Variants in ZFHX3 observed in about 807,000 individuals in gnomAD.
ZFHX3 encodes the protein zinc finger homeobox 3.
In ZFHX3, 42 loss-of-function variants were observed where a neutral mutation model predicts 279.1. That is an observed-to-expected ratio of 0.15 (90% CI 0.12 to 0.19). The LOEUF (loss-of-function observed/expected upper bound fraction) is 0.19. Ranked by LOEUF, ZFHX3 falls within the 10% of genes least tolerant of loss-of-function variation. ZFHX3 has a pLI of 1.00. For missense variants in ZFHX3, 4,981 were observed against 4,754.0 expected (o/e 1.05, Z -1.40); for synonymous variants, 2,293 against 1,957.8 (o/e 1.17, Z -4.52).
intron 2 of ZFHX3, among the ~76,000 whole-genome samples, chr16:73,670,275 G>A (rs992428684): frequency 3.3e-5 from 5 of 152,086 alleles, no homozygotes; most frequent in East Asian, 1.9e-4. Flanking sequence ...ATGATACCAC[G>A]CCAATCTAAA....
At chr16:72,921,876 T>C (rs1164614336) in intron 3 of ZFHX3, among the ~76,000 whole-genome samples, 2 of 152,120 alleles carry the variant, frequency 1.3e-5, no homozygotes, top group African/African-American at 4.8e-5. Flanking sequence ...GGCAAGGCTG[T>C]CCAGGGAAAA....
At chr16:73,455,885 G>C (rs1002458749) in intron 3 of ZFHX3, 1 of 151,906 alleles carries the variant, frequency 6.6e-6, no homozygotes, top group Non-Finnish European at 1.5e-5. Context: ...ATACCGATTT[G>C]TGGCACATGC....
At chr16:73,696,992 C>T (rs1011302600) in intron 1 of ZFHX3, among the ~76,000 whole-genome samples, 1 of 150,996 alleles carries the variant, frequency 6.6e-6, no homozygotes, top group Non-Finnish European at 1.5e-5. Context: ...AAAAGGGACA[C>T]GATAGTTAAT....
chr16:72,892,274 G>C (rs954045309), intron 3 of ZFHX3, among the ~76,000 whole-genome samples: 2 of 152,154 alleles, frequency 1.3e-5, no homozygotes, highest in African/African-American at 4.8e-5. Context: ...CAACTTGTAC[G>C]TAAGAATGGG....
intron 3 of ZFHX3, among the ~76,000 whole-genome samples, chr16:73,404,737 G>A (rs1340810535): frequency 1.3e-5 from 2 of 152,178 alleles, no homozygotes; most frequent in Non-Finnish European, 1.5e-5. Context: ...AGTTCAGGAT[G>A]TCCCCGCGAG....
In ZFHX3 at chr16:73,407,141, A is replaced by G. The variant is rs144333901; in HGVS notation, c.-1291+48862T>C. 2.4e-4 allele frequency among the ~76,000 whole-genome samples: 36 copies of G among 152,286 alleles called. No individual in the cohort carries two copies. In the East Asian group the frequency reaches 6.8e-3, roughly 29 times the overall value. ...GATACTCAGTGGGTGGAGGCCAAGG[A>G]TGCTGCTAAACATTCTACACTGCAC... On this transcript the variant is annotated intron_variant, in intron 3 of 17. Transcript: ENST00000641206.
At chr16:73,887,385 C>T (rs1477063805) in intron 1 of ZFHX3, among the ~76,000 whole-genome samples, 1 of 152,124 alleles carries the variant, frequency 6.6e-6, no homozygotes, top group Non-Finnish European at 1.5e-5. Context: ...ATTTGCAAAA[C>T]AAACTCTTAA....
At chr16:73,687,042 A>ATATAT (rs1555532455) in intron 1 of ZFHX3, among the ~76,000 whole-genome samples, 17 of 81,460 alleles carry the variant, frequency 2.1e-4, no homozygotes, top group African/African-American at 8.4e-4. Flanking sequence ...ATATATATAT[A>ATATAT]TATATATATA....
intron 1 of ZFHX3, among the ~76,000 whole-genome samples, chr16:73,008,428 T>C (rs755256497): frequency 6.6e-6 from 1 of 152,126 alleles, no homozygotes; most frequent in Non-Finnish European, 1.5e-5. Context: ...GATGAAACTC[T>C]GGCAAATAAA....
intron 1 of ZFHX3, among the ~76,000 whole-genome samples, chr16:73,789,689 G>A (rs958165977): frequency 4.6e-5 from 7 of 152,224 alleles, no homozygotes; most frequent in Non-Finnish European, 1.0e-4. Flanking sequence ...TAATAAATAC[G>A]TTGCCAGGCA....
chr16:73,149,829 T>C (rs570306827), intron 5 of ZFHX3, among the ~76,000 whole-genome samples: 1 of 152,316 alleles, frequency 6.6e-6, no homozygotes, highest in East Asian at 1.9e-4. Flanking sequence ...GACTCACAGA[T>C]GTAACCTGCC....
intron 1 of ZFHX3, among the ~76,000 whole-genome samples, chr16:73,797,045 A>C (rs1019009915): frequency 3.3e-5 from 5 of 152,118 alleles, no homozygotes; most frequent in Non-Finnish European, 7.3e-5. Flanking sequence ...CTACTAAAAA[A>C]AAAAAAAATT....
chr16:73,103,378 T>G (rs773125778), intron 7 of ZFHX3, among the ~76,000 whole-genome samples: 6 of 152,090 alleles, frequency 3.9e-5, no homozygotes, highest in Admixed American at 6.6e-5. Flanking sequence ...GCCTCTTCCT[T>G]CAACAAGTCC....
intron 4 of ZFHX3, among the ~76,000 whole-genome samples, chr16:73,275,890 T>A (rs759450473): frequency 6.6e-5 from 10 of 152,152 alleles, no homozygotes; most frequent in Non-Finnish European, 1.5e-4. Context: ...TATATATTTT[T>A]GCTTAGCCTT....
intron 1 of ZFHX3, among the ~76,000 whole-genome samples, chr16:73,044,596 G>T (rs1965225674): frequency 1.1e-5 from 1 of 93,132 alleles, no homozygotes; most frequent in Admixed American, 9.7e-5. Flanking sequence ...CTCTTAAAAG[G>T]TGAGTGTTTG....
At chr16:73,286,416 T>C (rs2014597457) in intron 4 of ZFHX3, among the ~76,000 whole-genome samples, 1 of 152,224 alleles carries the variant, frequency 6.6e-6, no homozygotes, top group Non-Finnish European at 1.5e-5. Context: ...AGTACGTTCT[T>C]CAAATACCTC....
chr16:72,958,725 T>TCCTCCG lies in ZFHX3; in HGVS notation c.1415_1420dup (p.Ala472_Glu473dup). On this transcript the variant is annotated inframe_insertion, in exon 2 of 10. Transcript: ENST00000268489. Reference sequence around the variant, plus strand: ...TTCCTCCTCCTCTTCTTCCTCCTCCTCCTCCGCCTCTTCCTCCTCCTCTTC... The same window carrying TCCTCCG: ...TTCCTCCTCCTCTTCTTCCTCCTCCTCCTCCGCCTCCGCCTCTTCCTCCTCCTCTTC... 4.3e-6 allele frequency: 7 copies of TCCTCCG among 1,613,166 alleles called. No homozygotes were observed. Among genetic ancestry groups the TCCTCCG allele is most frequent in the Non-Finnish European group, 5.9e-6 (7 of 1,179,562 alleles).
intron 1 of ZFHX3, among the ~76,000 whole-genome samples, chr16:73,011,137 A>G (rs916188024): frequency 1.3e-5 from 2 of 151,878 alleles, no homozygotes; most frequent in African/African-American, 4.8e-5. Flanking sequence ...ATGCACCACC[A>G]CACCGGGCTA....
At chr16:72,830,448 G>A (rs2037035594) in intron 4 of ZFHX3, among the ~76,000 whole-genome samples, 1 of 152,212 alleles carries the variant, frequency 6.6e-6, no homozygotes, top group Non-Finnish European at 1.5e-5. Context: ...GAAACCAAAT[G>A]GTATCTTGTG....
Sources: gnomAD v4.1 joint callset for allele counts (sites outside exome capture counted in the v4.1 genomes callset) on GRCh38, gnomAD v4.1.1 for gene constraint, MANE v1.5 for transcripts, NCBI Gene and HGNC (gene_info 2026-07-23, HGNC 2026-07-21) for gene names.